The following CDH19 variants were observed in gnomAD, a reference collection of about 807,000 sequenced individuals.
CDH19 encodes cadherin 19.
Under a neutral mutation model 64.2 loss-of-function variants are expected in CDH19, and 67 were observed. The observed-to-expected ratio is 1.04, with a 90% CI of 0.86 to 1.28. CDH19 has a LOEUF of 1.28. Among genes scored for constraint, CDH19 ranks in the 50% most tolerant of loss-of-function variants. CDH19 has a pLI of 0.00. For synonymous variants in CDH19, 346 were observed against 319.3 expected (o/e 1.08, Z -0.89); for missense variants, 1,030 against 929.0 (o/e 1.11, Z -1.41).
intron 5 of CDH19, among the ~76,000 whole-genome samples, chr18:66,546,833 C>A (rs942589349): frequency 1.3e-5 from 2 of 151,772 alleles, no homozygotes; most frequent in Non-Finnish European, 2.9e-5. Context: ...CTGGAGTGTT[C>A]TGGGAAAAGA....
intron 1 of CDH19, among the ~76,000 whole-genome samples, chr18:66,595,026 T>TA (rs74173409): frequency 0.34 from 49,425 of 146,336 alleles, 9,497 homozygotes; most frequent in Non-Finnish European, 0.45. Flanking sequence ...AAAATTAAAT[T>TA]AAAAAAAAAA....
intron 1 of CDH19, among the ~76,000 whole-genome samples, chr18:66,582,603 T>G (rs1988455589): frequency 7.2e-6 from 1 of 138,074 alleles, no homozygotes; most frequent in Admixed American, 7.9e-5. Context: ...ATTTATGAAC[T>G]CTCATTAAGC....
intron 9 of CDH19, among the ~76,000 whole-genome samples, chr18:66,529,371 T>C (rs1986346420): frequency 6.6e-6 from 1 of 151,328 alleles, no homozygotes; most frequent in South Asian, 2.1e-4. Flanking sequence ...ATAGAATTAA[T>C]TTTTTTAATT....
chr18:66,520,341 G>GGT (rs1555684267), intron 9 of CDH19, among the ~76,000 whole-genome samples: 4 of 132,968 alleles, frequency 3.0e-5, no homozygotes, highest in African/African-American at 8.5e-5. Flanking sequence ...GAAAATAGCT[G>GGT]TTTTTTTTTT....
chr18:66,519,095 G>A (rs973164662), intron 9 of CDH19, among the ~76,000 whole-genome samples: 3 of 151,844 alleles, frequency 2.0e-5, no homozygotes, highest in African/African-American at 7.3e-5. Flanking sequence ...TTGTTAATTC[G>A]ACTCCCCTAA....
intron 8 of CDH19, chr18:66,532,493 C>T: frequency 5.4e-6 from 1 of 184,814 alleles, no homozygotes; most frequent in Non-Finnish European, 1.1e-5. Flanking sequence ...CATTCATACA[C>T]ACACACACAC....
intron 2 of CDH19, among the ~76,000 whole-genome samples, chr18:66,571,258 TCTC>T (rs1201638985): frequency 7.3e-5 from 11 of 151,586 alleles, no homozygotes; most frequent in African/African-American, 2.7e-4. Flanking sequence ...ACACTGCAGC[TCTC>T]CTGAAAGGGC....
chr18:66,595,512 GA>G (rs55914622), intron 1 of CDH19, among the ~76,000 whole-genome samples: 3,651 of 84,054 alleles, frequency 0.043, 140 homozygotes, highest in African/African-American at 0.16. Context: ...CGGCCCCACA[GA>G]AAAAAAAAAA....
chr18:66,504,756 T>C lies in CDH19; in HGVS notation c.*56A>G. 1 of 1,520,640 alleles carries C rather than the reference T, an allele frequency of 6.6e-7. No homozygotes were observed. Among genetic ancestry groups the C allele is most frequent in the South Asian group, 1.3e-5 (1 of 76,802 alleles). 94.2% of individuals were successfully genotyped at this position (1,520,640 alleles called of 1,614,324 possible). On this transcript the variant is annotated 3_prime_UTR_variant, in exon 12 of 12. Transcript: ENST00000262150. ...GCCAGGGCACAAAACTCTTTAAGAC[T>C]ACCATTGGGTTCGAATACACATTAG...
chr18:66,548,367 C>A (rs1319119825), intron 5 of CDH19, among the ~76,000 whole-genome samples: 1 of 98,220 alleles, frequency 1.0e-5, no homozygotes, highest in Non-Finnish European at 2.0e-5. Context: ...ATATGAGGTT[C>A]TCAGCCCAGA....
At chr18:66,554,807 T>C (rs909789243) in intron 3 of CDH19, among the ~76,000 whole-genome samples, 9 of 151,910 alleles carry the variant, frequency 5.9e-5, no homozygotes, top group Non-Finnish European at 1.3e-4. Context: ...TATTAAACAA[T>C]TCATTGTAAT....
intron 9 of CDH19, among the ~76,000 whole-genome samples, chr18:66,525,916 A>G (rs1986203695): frequency 6.6e-6 from 1 of 152,116 alleles, no homozygotes; most frequent in Non-Finnish European, 1.5e-5. Context: ...CCTTAAGGGA[A>G]ATTGTAAAAT....
At chr18:66,579,567 T>C (rs560541028) in intron 1 of CDH19, among the ~76,000 whole-genome samples, 2 of 152,072 alleles carry the variant, frequency 1.3e-5, no homozygotes, top group African/African-American at 4.8e-5. Flanking sequence ...TAAAAAAGCA[T>C]TGATCTACCA....
intron 1 of CDH19, among the ~76,000 whole-genome samples, chr18:66,588,792 G>C (rs1390621607): frequency 6.6e-6 from 1 of 151,496 alleles, no homozygotes; most frequent in Non-Finnish European, 1.5e-5. Context: ...TTATTACACA[G>C]TGTTTCACTT....
chr18:66,602,419 A>T (rs1284258857), intron 1 of CDH19, among the ~76,000 whole-genome samples: 1 of 151,936 alleles, frequency 6.6e-6, no homozygotes, highest in Non-Finnish European at 1.5e-5. Context: ...TGTGCACATC[A>T]TTTTAAAGCA....
intron 8 of CDH19, among the ~76,000 whole-genome samples, chr18:66,530,815 C>T (rs2144419618): frequency 6.6e-6 from 1 of 152,280 alleles, no homozygotes; most frequent in South Asian, 2.1e-4. Flanking sequence ...TGCTTAGTGG[C>T]ATCCCTGACT....
chr18:66,554,464 G>T lies in CDH19; in HGVS notation c.551C>A (p.Ala184Asp). ...TTGAAGTAAGCTGTAGAGGAGACGAGCATTATTACCACTTGAGGGATCGTC... is the reference window on the plus strand; with the variant it reads ...TTGAAGTAAGCTGTAGAGGAGACGATCATTATTACCACTTGAGGGATCGTC... The part of the protein sequence containing the change: ...DADDPSSGNN[A>D]RLLYSLLQGQ... The change falls in exon 4 of 12, where the codon GCT becomes GAT. Residue 184 changes from alanine to aspartate, a missense_variant. Transcript: ENST00000262150. 26 of 1,610,902 alleles carry T rather than the reference G, an allele frequency of 1.6e-5. No homozygotes were observed. The highest frequency in any genetic ancestry group is 2.2e-5 in the Non-Finnish European group (26 of 1,177,622).
chr18:66,550,006 GA>G (rs959129875), intron 5 of CDH19, among the ~76,000 whole-genome samples: 4 of 150,758 alleles, frequency 2.7e-5, no homozygotes, highest in South Asian at 4.2e-4. Flanking sequence ...AAAGGATGAG[GA>G]AAAAAAAGTA....
chr18:66,578,971 G>A (rs1988345342), intron 1 of CDH19, among the ~76,000 whole-genome samples: 1 of 151,908 alleles, frequency 6.6e-6, no homozygotes, highest in African/African-American at 2.4e-5. Flanking sequence ...AGAACTGTGG[G>A]AAAATGGGGG....
Sources: allele counts gnomAD v4.1 joint callset (sites outside exome capture counted in the v4.1 genomes callset), GRCh38; gene constraint gnomAD v4.1.1; transcripts MANE v1.5; gene names NCBI Gene and HGNC (gene_info 2026-07-23, HGNC 2026-07-21).